The following NMT2 variants were observed in gnomAD, a reference collection of about 807,000 sequenced individuals.
The protein encoded by NMT2 is N-myristoyltransferase 2, also known as glycylpeptide N-tetradecanoyltransferase 2.
A neutral mutation model predicts 65.4 loss-of-function variants in NMT2; 35 were observed. That is an observed-to-expected ratio of 0.54 (90% CI 0.41 to 0.71). The LOEUF (loss-of-function observed/expected upper bound fraction) is 0.71. NMT2 is among the 30% of genes least tolerant of loss of function. The pLI is 0.00. For missense variants in NMT2, 489 were observed against 611.3 expected (o/e 0.80, Z 2.11); for synonymous variants, 226 against 231.8 (o/e 0.98, Z 0.23).
In NMT2 at chr10:15,108,959, T is replaced by C. The variant is rs571841171; in HGVS notation, c.*236A>G. On this transcript the variant is annotated 3_prime_UTR_variant, in exon 12 of 12. Coordinates refer to ENST00000378165, the MANE Select transcript of NMT2 (RefSeq NM_004808.3). The stretch of plus-strand genomic sequence containing the variant: ...AAATTTGAAAATTACAAGAATGTGC[T>C]CTTTGTAGCCTTTCATCCCTCCCAC... The C allele has an allele frequency of 8.6e-6, 11 of 1,281,298 alleles. No individual in the cohort carries two copies. Among genetic ancestry groups the C allele is most frequent in the African/African-American group, 3.1e-5 (2 of 64,086 alleles). The allele number at this position is 1,281,298 out of a possible 1,614,324, so 79.4% of individuals were successfully genotyped here.
At chr10:15,146,893 G>A (rs1192570726) in intron 1 of NMT2, among the ~76,000 whole-genome samples, 2 of 151,872 alleles carry the variant, frequency 1.3e-5, no homozygotes, top group Admixed American at 1.3e-4. Context: ...AGGAGTTCAA[G>A]ACCAGGCTGA....
intron 1 of NMT2, among the ~76,000 whole-genome samples, chr10:15,148,829 C>T (rs1847048102): frequency 6.6e-6 from 1 of 152,024 alleles, no homozygotes; most frequent in Non-Finnish European, 1.5e-5. Flanking sequence ...AGAAGACTGA[C>T]AGAAGAATGG....
At chr10:15,165,842 C>G (rs1833359883) in intron 1 of NMT2, among the ~76,000 whole-genome samples, 1 of 148,162 alleles carries the variant, frequency 6.7e-6, no homozygotes, top group Non-Finnish European at 1.5e-5. Flanking sequence ...TGCACCACCG[C>G]ACTCCAGCCT....
chr10:15,112,216 A>AT (rs869310724), intron 10 of NMT2, among the ~76,000 whole-genome samples: 1 of 12,256 alleles, frequency 8.2e-5, no homozygotes, highest in Non-Finnish European at 1.4e-4. Flanking sequence ...ATATATATAT[A>AT]TTTTTTTTTT....
Position 15,108,051 on chromosome 10 carries a change from A to G in NMT2, c.*1144T>C, listed in dbSNP as rs563037335. On this transcript the variant is annotated 3_prime_UTR_variant, in exon 12 of 12. Coordinates refer to ENST00000378165, the MANE Select transcript of NMT2 (RefSeq NM_004808.3). ...AACTATCAATGCCCTGATAGCACGA[A>G]TAAGTTCCACCAGGCATCTCTTTTG... The G allele has an allele frequency of 1.0e-6, 1 of 985,832 alleles. No individual in the cohort carries two copies. Among genetic ancestry groups the G allele is most frequent in the Non-Finnish European group, 1.2e-6 (1 of 829,936 alleles). The allele number at this position is 985,832 out of a possible 1,614,324, so 61.1% of individuals were successfully genotyped here. A position where few individuals can be genotyped will look rare whatever the true frequency, so the allele number is the denominator to read the frequency against.
At chr10:15,164,489 A>G (rs569917331) in intron 1 of NMT2, among the ~76,000 whole-genome samples, 1 of 152,338 alleles carries the variant, frequency 6.6e-6, no homozygotes, top group East Asian at 1.9e-4. Flanking sequence ...GTCTCCAACA[A>G]TGGACCATAA....
chr10:15,126,605 A>G (rs1204151964), intron 8 of NMT2, among the ~76,000 whole-genome samples: 1 of 152,152 alleles, frequency 6.6e-6, no homozygotes, highest in Admixed American at 6.5e-5. Context: ...CCAACATGGC[A>G]AAGAACTGAG....
At chr10:15,168,366 C>A in intron 1 of NMT2, 137 bp downstream of exon 1, 2 of 521,938 alleles carry the variant, frequency 3.8e-6, no homozygotes, top group East Asian at 6.1e-5. Flanking sequence ...TCACCATGGG[C>A]TCCGCGCCAC....
chr10:15,158,282 C>T (rs936591066), intron 1 of NMT2, among the ~76,000 whole-genome samples: 1 of 150,924 alleles, frequency 6.6e-6, no homozygotes, highest in Non-Finnish European at 1.5e-5. Context: ...CGCCACTGCA[C>T]TCCAGCCTGG....
At chr10:15,136,573 C>A (rs1846514567) in intron 2 of NMT2, among the ~76,000 whole-genome samples, 1 of 152,014 alleles carries the variant, frequency 6.6e-6, no homozygotes, top group South Asian at 2.1e-4. Flanking sequence ...AAATCTCTAA[C>A]CATGCCCCTT....
chr10:15,130,076 G>T, intron 7 of NMT2, 66 bp downstream of exon 7: 1 of 1,242,762 alleles, frequency 8.0e-7, no homozygotes, highest in South Asian at 2.6e-5. Flanking sequence ...ACATCTAGCA[G>T]AACAGTGGTG....
At chr10:15,154,769 G>T (rs1304114896) in intron 1 of NMT2, 1 of 673,870 alleles carries the variant, frequency 1.5e-6, no homozygotes, top group Non-Finnish European at 2.7e-6. Flanking sequence ...GAATGGTCTG[G>T]TGGTTAAGAT....
Position 15,168,649 on chromosome 10 carries a change from C to G in NMT2, c.-37G>C, listed in dbSNP as rs750833382. 4 of 1,511,270 alleles carry G rather than the reference C, an allele frequency of 2.6e-6. No individual in the cohort carries two copies. Among genetic ancestry groups the G allele is most frequent in the Middle Eastern group, 1.7e-4 (1 of 5,792 alleles). 93.6% of individuals were successfully genotyped at this position (1,511,270 alleles called of 1,614,324 possible). ...TGGCTGGGGAGGCGGTGCTCGGGGC[C>G]GGGCCGGAGCGGCCGCAGCTCCCTC... On this transcript the variant is annotated 5_prime_UTR_variant, in exon 1 of 12. Transcript: ENST00000378165.
Position 15,132,868 on chromosome 10 carries a change from T to G in NMT2, c.668A>C (p.Lys223Thr), listed in dbSNP as rs147739500. Residue 223 changes from lysine (K) to threonine (T), a missense_variant, in exon 6 of 12, where the codon AAA becomes ACA. Transcript: ENST00000378165. Reference sequence around the variant, plus strand: ...GATGGCACTTATGAACCCGACCAGTTTTTTATTTGAAGACACTCTGACCCC... The same window carrying G: ...GATGGCACTTATGAACCCGACCAGTGTTTTATTTGAAGACACTCTGACCCC... ...HCGVRVSSNK[K>T]LVGFISAIPA... 2 of 1,613,920 alleles carry G rather than the reference T, an allele frequency of 1.2e-6. No individual in the cohort carries two copies. Among genetic ancestry groups the G allele is most frequent in the Non-Finnish European group, 1.7e-6 (2 of 1,179,948 alleles).
intron 2 of NMT2, among the ~76,000 whole-genome samples, chr10:15,135,915 AG>A (rs768441799): frequency 4.0e-5 from 6 of 151,462 alleles, no homozygotes; most frequent in Non-Finnish European, 8.8e-5. Context: ...AAACAAAGAA[AG>A]AGAAAGAGAG....
At chr10:15,144,595 G>C (rs1589341568) in intron 1 of NMT2, among the ~76,000 whole-genome samples, 1 of 152,206 alleles carries the variant, frequency 6.6e-6, no homozygotes, top group Non-Finnish European at 1.5e-5. Flanking sequence ...GCTGGGCGTG[G>C]TGGCGGGCGC....
At chr10:15,145,541 A>G (rs1846932890) in intron 1 of NMT2, among the ~76,000 whole-genome samples, 1 of 152,046 alleles carries the variant, frequency 6.6e-6, no homozygotes, top group African/African-American at 2.4e-5. Flanking sequence ...CACCACGTCC[A>G]GCTAATTTTT....
At chr10:15,121,853 A>G (rs1162888296) in intron 8 of NMT2, among the ~76,000 whole-genome samples, 1 of 152,214 alleles carries the variant, frequency 6.6e-6, no homozygotes, top group Non-Finnish European at 1.5e-5. Context: ...AAGCCATTCT[A>G]TTATGATGAT....
chr10:15,127,560 A>AAAAAT (rs1564568336), intron 8 of NMT2, among the ~76,000 whole-genome samples: 3 of 95,164 alleles, frequency 3.2e-5, no homozygotes, highest in African/African-American at 2.9e-4. Flanking sequence ...AAAAAAAAAA[A>AAAAAT]AAAAAAAAAA....
Sources: gnomAD v4.1 joint callset for allele counts (sites outside exome capture counted in the v4.1 genomes callset) on GRCh38, gnomAD v4.1.1 for gene constraint, MANE v1.5 for transcripts, NCBI Gene and HGNC (gene_info 2026-07-23, HGNC 2026-07-21) for gene names.